HDGFL3: variants seen among roughly 807,000 people sequenced by gnomAD.
HDGFL3 encodes HDGF like 3, also known as hepatoma-derived growth factor-related protein 3.
HDGFL3 carries 6 observed loss-of-function variants against 27.6 expected under a neutral mutation model. The observed-to-expected ratio is 0.22, with a 90% CI of 0.12 to 0.43. The LOEUF (loss-of-function observed/expected upper bound fraction) is 0.43, where lower values mean the gene tolerates loss of function less well. HDGFL3 is among the 20% of genes least tolerant of loss of function. The probability of loss-of-function intolerance (pLI) is 1.00; values close to 1 mark genes in which losing one functional copy is unlikely to be tolerated. For synonymous variants in HDGFL3, 88 were observed against 88.9 expected, an observed-to-expected ratio of 0.99 and a Z score of 0.05; for missense variants, 207 against 250.1, an observed-to-expected ratio of 0.83 and a Z score of 1.16.
chr15:83,144,041 C>T (rs879550204), intron 5 of HDGFL3, among the ~76,000 whole-genome samples: 7 of 152,180 alleles, frequency 4.6e-5, no homozygotes, highest in Non-Finnish European at 1.0e-4. Context: ...CTCAGACCTT[C>T]CCCTCCACTG....
At position 83,143,322 on chromosome 15, in the gene HDGFL3, C is replaced by T. The variant is rs1012657181; in HGVS notation, c.607-4047G>A. Among the ~76,000 whole-genome samples the T allele has an allele frequency of 4.6e-5, 7 of 152,248 alleles. No homozygotes were observed. In the East Asian group the frequency reaches 5.8e-4, roughly 13 times the overall value. On this transcript the variant is annotated intron_variant, in intron 5 of 5. Transcript: ENST00000299633. Reference sequence around the variant, plus strand: ...AAAGGGGGCCAGGTGCAGTGACTCACGCCTGTAATCGAAGCACTTTGGGAG... The same window carrying T: ...AAAGGGGGCCAGGTGCAGTGACTCATGCCTGTAATCGAAGCACTTTGGGAG...
chr15:83,121,873 C>G, intron 3 of HDGFL3: 1 of 1,420,822 alleles, frequency 7.0e-7, no homozygotes, highest in Non-Finnish European at 9.8e-7. Context: ...GCTTAGTATT[C>G]TAAGACAAAC....
intron 1 of HDGFL3, among the ~76,000 whole-genome samples, chr15:83,195,150 G>T (rs533044623): frequency 4.6e-5 from 7 of 151,978 alleles, no homozygotes; most frequent in Non-Finnish European, 1.0e-4. Context: ...TCTTTTCCAC[G>T]CTCTTTCTTA....
At chr15:83,121,703 C>T (rs1431769601) in intron 3 of HDGFL3, among the ~76,000 whole-genome samples, 1 of 152,122 alleles carries the variant, frequency 6.6e-6, no homozygotes, top group Non-Finnish European at 1.5e-5. Context: ...GCGTAATTTC[C>T]TATTTAAAAG....
chr15:83,116,043 C>A, intron 3 of HDGFL3: 1 of 904,430 alleles, frequency 1.1e-6, no homozygotes, highest in Non-Finnish European at 1.8e-6. Context: ...TGAACAGGTA[C>A]GCTACGCAGG....
intron 1 of HDGFL3, among the ~76,000 whole-genome samples, chr15:83,199,118 T>C (rs964685592): frequency 6.6e-6 from 1 of 152,184 alleles, no homozygotes; most frequent in African/African-American, 2.4e-5. Context: ...CATGTAGTAG[T>C]CCAGGGAAGG....
Position 83,165,794 on chromosome 15 carries a change from C to CAAAAA in HDGFL3, c.85-1724_85-1720dup, listed in dbSNP as rs57873221. Among the ~76,000 whole-genome samples the CAAAAA allele has an allele frequency of 1.4e-3, 19 of 13,850 alleles. 1 individual carries two copies. The highest frequency in any genetic ancestry group is 2.0e-3 in the African/African-American group (11 of 5,606). 9.1% of individuals were successfully genotyped at this position (13,850 alleles called of 152,430 possible). The stretch of plus-strand genomic sequence containing the variant: ...TGGATGACAGAGCAAGAATCCATCT[C>CAAAAA]AAAAAAAAAAAAAAAAAAAAAAAAA... On this transcript the variant is annotated intron_variant, in intron 1 of 5. Coordinates refer to ENST00000299633, the MANE Select transcript of HDGFL3 (RefSeq NM_016073.4).
chr15:83,136,819 T>G lies in HDGFL3; in HGVS notation c.*2451A>C, dbSNP rs2036644457. The G allele has an allele frequency of 3.7e-6, 2 of 543,526 alleles. No homozygotes were observed. Among genetic ancestry groups the G allele is most frequent in the African/African-American group, 3.9e-5 (2 of 51,130 alleles). 33.7% of individuals were successfully genotyped at this position (543,526 alleles called of 1,614,324 possible). A position where few individuals can be genotyped will look rare whatever the true frequency, so the allele number is the denominator to read the frequency against. ...TGCACTGTATGTGTGAGCTATATGG[T>G]ATTGTGTAAATTTTTTTTGAAGGAA... is the stretch of plus-strand genomic sequence containing the variant. On this transcript the variant is annotated 3_prime_UTR_variant, in exon 6 of 6. Transcript: ENST00000299633.
chr15:83,133,123 C>A lies in HDGFL3; in HGVS notation c.*6147G>T, dbSNP rs527673335. 1.3e-5 allele frequency: 2 copies of A among 152,202 alleles called. No homozygotes were observed. The highest frequency in any genetic ancestry group is 2.9e-5 in the Non-Finnish European group (2 of 68,056). 9.4% of individuals were successfully genotyped at this position (152,202 alleles called of 1,614,324 possible). A position where few individuals can be genotyped will look rare whatever the true frequency, so the allele number is the denominator to read the frequency against. On this transcript the variant is annotated 3_prime_UTR_variant, in exon 6 of 6. Transcript: ENST00000299633. ...GTTCCACACCTCACCCGAGGCCATA[C>A]GGCTGGTTTGTGGTGGAGCTGTGAT...
intron 2 of HDGFL3, among the ~76,000 whole-genome samples, chr15:83,162,607 T>C (rs905721819): frequency 6.6e-6 from 1 of 152,198 alleles, no homozygotes; most frequent in African/African-American, 2.4e-5. Flanking sequence ...GTCCATAATG[T>C]CTATTACATA....
intron 1 of HDGFL3, among the ~76,000 whole-genome samples, chr15:83,206,577 T>C (rs1487579507): frequency 6.6e-6 from 1 of 152,170 alleles, no homozygotes; most frequent in Non-Finnish European, 1.5e-5. Flanking sequence ...GAGAGAGCTA[T>C]TGTGGACTGT....
intron 5 of HDGFL3, among the ~76,000 whole-genome samples, chr15:83,148,499 G>A (rs928534088): frequency 6.6e-6 from 1 of 152,066 alleles, no homozygotes; most frequent in Non-Finnish European, 1.5e-5. Flanking sequence ...GTGGGTGCCT[G>A]TAGTCCCAGC....
chr15:83,178,329 T>C (rs1390194174), intron 1 of HDGFL3, among the ~76,000 whole-genome samples: 1 of 152,222 alleles, frequency 6.6e-6, no homozygotes, highest in Non-Finnish European at 1.5e-5. Flanking sequence ...TAAAAAGATA[T>C]AGTAAGAGTT....
chr15:83,190,631 T>G (rs2151419878), intron 1 of HDGFL3, among the ~76,000 whole-genome samples: 1 of 152,338 alleles, frequency 6.6e-6, no homozygotes, highest in South Asian at 2.1e-4. Context: ...CCATTGAGCT[T>G]TTGTCTTTTT....
rs191458152 is a variant in HDGFL3 at position 83,136,884 on chromosome 15, A to C, written c.*2386T>G. 1.3e-4 allele frequency: 50 copies of C among 376,174 alleles called. No homozygotes were observed. The highest frequency in any genetic ancestry group is 1.0e-4 in the Non-Finnish European group (21 of 209,248). 23.3% of individuals were successfully genotyped at this position (376,174 alleles called of 1,614,324 possible). Reference sequence around the variant, plus strand: ...AGAAACAGTTTGTTTAAAGAAATATATTCAAAATCATTTGTGAATAAACTT... The same window carrying C: ...AGAAACAGTTTGTTTAAAGAAATATCTTCAAAATCATTTGTGAATAAACTT... On this transcript the variant is annotated 3_prime_UTR_variant, in exon 6 of 6. Coordinates refer to ENST00000299633, the MANE Select transcript of HDGFL3 (RefSeq NM_016073.4).
chr15:83,174,450 A>G (rs1362379249), intron 1 of HDGFL3, among the ~76,000 whole-genome samples: 1 of 151,960 alleles, frequency 6.6e-6, no homozygotes, highest in African/African-American at 2.4e-5. Context: ...ATTACCTACT[A>G]TAAAACTTCT....
In HDGFL3 at chr15:83,128,031, A is replaced by G. The variant is rs1361231069; in HGVS notation, c.*11239T>C. On this transcript the variant is annotated 3_prime_UTR_variant, in exon 6 of 6. Coordinates refer to ENST00000299633, the MANE Select transcript of HDGFL3 (RefSeq NM_016073.4). ...CTGAAAATGAAATTATCTATGGAGA[A>G]CTTCACACATAACATAAAGCACATT... 1 of 152,338 alleles carries G rather than the reference A, an allele frequency of 6.6e-6. No homozygotes were observed. Among genetic ancestry groups the G allele is most frequent in the African/African-American group, 2.4e-5 (1 of 41,462 alleles). 9.4% of individuals were successfully genotyped at this position (152,338 alleles called of 1,614,324 possible).
At chr15:83,124,594 C>T (rs1298259486), downstream of HDGFL3, 9 of 1,094,882 alleles carry the variant, frequency 8.2e-6, no homozygotes, top group South Asian at 1.1e-4. Context: ...TATCCATCAT[C>T]ATGACATTTA....
At chr15:83,184,969 A>T (rs1738855512) in intron 1 of HDGFL3, 1 of 152,210 alleles carries the variant, frequency 6.6e-6, no homozygotes, top group African/African-American at 2.4e-5. Context: ...GGAGGTTATT[A>T]GGAGATAATT....
Sources: allele counts gnomAD v4.1 joint callset (sites outside exome capture counted in the v4.1 genomes callset), GRCh38; gene constraint gnomAD v4.1.1; transcripts MANE v1.5; gene names NCBI Gene and HGNC (gene_info 2026-07-23, HGNC 2026-07-21).